The following SEMA4F variants were observed in gnomAD, a reference collection of about 807,000 sequenced individuals.
SEMA4F encodes ssemaphorin 4F.
A neutral mutation model predicts 78.4 loss-of-function variants in SEMA4F; 51 were observed. The observed-to-expected ratio is 0.65, with a 90% CI of 0.52 to 0.82. The LOEUF is 0.82. SEMA4F is among the 40% of genes least tolerant of loss of function. The pLI is 0.00. For synonymous variants in SEMA4F, 418 were observed against 408.7 expected (o/e 1.02, Z -0.27); for missense variants, 938 against 1,014.4 (o/e 0.92, Z 1.02).
the SEMA4F span, among the ~76,000 whole-genome samples, chr2:74,708,815 A>G: frequency 6.6e-6 from 1 of 152,242 alleles, no homozygotes; most frequent in African/African-American, 2.4e-5. Flanking sequence ...AGTTATAAAC[A>G]TGCTTAAAAC....
downstream of SEMA4F, among the ~76,000 whole-genome samples, chr2:74,685,605 G>GA (rs763316446): frequency 3.9e-5 from 6 of 152,088 alleles, no homozygotes; most frequent in Non-Finnish European, 7.4e-5. Context: ...TGTGTCCTAG[G>GA]AAATGGGATA....
chr2:74,658,420 A>G lies in SEMA4F; in HGVS notation c.456+469A>G, dbSNP rs950428653. Among the ~76,000 whole-genome samples, 3 of 152,066 alleles carry G rather than the reference A, an allele frequency of 2.0e-5. No individual in the cohort carries two copies. Among genetic ancestry groups the G allele is most frequent in the African/African-American group, 7.2e-5 (3 of 41,398 alleles). On this transcript the variant is annotated intron_variant, in intron 4 of 13. Coordinates refer to ENST00000357877, the MANE Select transcript of SEMA4F (RefSeq NM_004263.5). The surrounding 1 kb of genome is among the most constrained non-coding windows in gnomAD (Gnocchi z 4.3). ...CCACCTTCTCCTACTTCCACTGCCAACCTCATTGTATATGGGCTGTGAGTC... is the reference window on the plus strand; with the variant it reads ...CCACCTTCTCCTACTTCCACTGCCAGCCTCATTGTATATGGGCTGTGAGTC...
At position 74,673,383 on chromosome 2, in the gene SEMA4F, C is replaced by T. The variant is rs1685085204; in HGVS notation, c.551-74C>T. 5.1e-6 allele frequency: 8 copies of T among 1,584,032 alleles called. No homozygotes were observed. The East Asian group carries it at 1.8e-4, about 35-fold the overall frequency. On this transcript the variant is annotated intron_variant, in intron 5 of 13. Transcript: ENST00000357877. Reference sequence around the variant, plus strand: ...GAGAGTCGCTGCCCTGCTTTATGCCCTACTCTGCCTGTGACCTCTGTTGCT... The same window carrying T: ...GAGAGTCGCTGCCCTGCTTTATGCCTTACTCTGCCTGTGACCTCTGTTGCT...
chr2:74,686,637 A>T (rs1057268005), downstream of SEMA4F, among the ~76,000 whole-genome samples: 2 of 152,224 alleles, frequency 1.3e-5, no homozygotes, highest in Non-Finnish European at 2.9e-5. Flanking sequence ...CCAAATGTCC[A>T]TCAGTGATAG....
the SEMA4F span, among the ~76,000 whole-genome samples, chr2:74,707,928 C>G: frequency 2.2e-4 from 34 of 152,218 alleles, no homozygotes; most frequent in Middle Eastern, 3.4e-3. Context: ...AAGTACCAAT[C>G]AGCACATGTG....
intron 5 of SEMA4F, 23 bp from the exon 6 acceptor site, chr2:74,673,434 A>G (rs1325836459): frequency 1.2e-6 from 2 of 1,613,056 alleles, no homozygotes; most frequent in African/African-American, 1.3e-5. Context: ...CTGATAGCCC[A>G]TCTCCTCCCT....
At chr2:74,687,439 G>T (rs1487428980), downstream of SEMA4F, among the ~76,000 whole-genome samples, 2 of 152,144 alleles carry the variant, frequency 1.3e-5, no homozygotes, top group African/African-American at 4.8e-5. Context: ...TTTCCTTCTT[G>T]TTAGATTGCA....
Position 74,654,465 on chromosome 2 carries a change from G to A in SEMA4F, c.89G>A (p.Gly30Asp). The part of the protein sequence containing the change: ...FPLLLLAVLS[G>D]PVSGRVPRSV... ...CTACTGCTGCTGGCGGTGCTGAGCG[G>A]CCCGGTATCCGGCCGCGTCCCCCGC... The change falls in exon 1 of 14, where the codon GGC becomes GAC. Residue 30 changes from glycine to aspartate, a missense_variant. Gly to Asp is a moderately conservative substitution (Grantham distance 94). Coordinates refer to ENST00000357877, the MANE Select transcript of SEMA4F (RefSeq NM_004263.5). 2 of 1,574,262 alleles carry A rather than the reference G, an allele frequency of 1.3e-6. No individual in the cohort carries two copies. Among genetic ancestry groups the A allele is most frequent in the Non-Finnish European group, 1.7e-6 (2 of 1,165,034 alleles).
Position 74,680,165 on chromosome 2 carries a change from C to G in SEMA4F, c.2269C>G (p.Leu757Val). The G allele has an allele frequency of 6.3e-7, 1 of 1,597,616 alleles. No individual in the cohort carries two copies. Residue 757 changes from leucine to valine, a missense_variant, in exon 14 of 14, where the codon CTA (leucine) becomes GTA (valine). Coordinates refer to ENST00000357877, the MANE Select transcript of SEMA4F (RefSeq NM_004263.5). ...TTGCCCAAGCCCAGCCCACATTCGG[C>G]TAACTGGGGCTCCTCTAGCCACATG... ...DPCPSPAHIRLTGAPLATCDE... is the reference protein window; with the variant it reads ...DPCPSPAHIRVTGAPLATCDE...
In SEMA4F at chr2:74,678,585, G is replaced by A. The variant is rs553803605; in HGVS notation, c.1644-691G>A. Among the ~76,000 whole-genome samples the A allele has an allele frequency of 9.7e-4, 147 of 152,296 alleles. 1 individual carries two copies. Among genetic ancestry groups the A allele is most frequent in the African/African-American group, 3.4e-3 (140 of 41,566 alleles). On this transcript the variant is annotated intron_variant, in intron 12 of 13. Coordinates refer to ENST00000357877, the MANE Select transcript of SEMA4F (RefSeq NM_004263.5). ...CCTTTTCACTGACAACCCTAGTGTA[G>A]GGGTCTCATTGACTTCCCAGCCTCT...
chr2:74,674,450 C>T (rs1006957002), intron 7 of SEMA4F, 48 bp from the exon 8 acceptor site: 1 of 1,546,568 alleles, frequency 6.5e-7, no homozygotes, highest in African/African-American at 1.4e-5. Context: ...TGCTCCTTGC[C>T]CAATGATGAT....
Position 74,662,713 on chromosome 2 carries a change from G to GC in SEMA4F, c.457-14dup. 1 of 1,605,516 alleles carries GC rather than the reference G, an allele frequency of 6.2e-7. No individual in the cohort carries two copies. Among genetic ancestry groups the GC allele is most frequent in the Non-Finnish European group, 8.5e-7 (1 of 1,172,250 alleles). Reference sequence around the variant, plus strand: ...CTTCCCTATGACCCCTAAACCAATTGCCCCCTTCTGGTCTATAGGATGTGT... The same window carrying GC: ...CTTCCCTATGACCCCTAAACCAATTGCCCCCCTTCTGGTCTATAGGATGTGT... On this transcript the variant is annotated intron_variant, in intron 4 of 13. Transcript: ENST00000357877.
At chr2:74,703,399 G>A in the SEMA4F span, among the ~76,000 whole-genome samples, 1 of 152,214 alleles carries the variant, frequency 6.6e-6, no homozygotes, top group Non-Finnish European at 1.5e-5. Context: ...TGGGGAGCAG[G>A]AAGGGATGCA....
chr2:74,656,082 C>T (rs567422128), intron 1 of SEMA4F, among the ~76,000 whole-genome samples: 1 of 151,194 alleles, frequency 6.6e-6, no homozygotes, highest in African/African-American at 2.4e-5. Flanking sequence ...GATCTTGGCT[C>T]ACTGCAACCT....
At chr2:74,671,174 C>T (rs567742718) in intron 5 of SEMA4F, among the ~76,000 whole-genome samples, 1 of 152,236 alleles carries the variant, frequency 6.6e-6, no homozygotes, top group South Asian at 2.1e-4. Flanking sequence ...CTTCCTGGCT[C>T]CCAAACACTT....
At chr2:74,689,194 C>T in the SEMA4F span, among the ~76,000 whole-genome samples, 1 of 152,226 alleles carries the variant, frequency 6.6e-6, no homozygotes, top group Non-Finnish European at 1.5e-5. Flanking sequence ...TCCCCTGAAG[C>T]TACTGAGACA....
At chr2:74,707,536 T>C in the SEMA4F span, among the ~76,000 whole-genome samples, 1 of 152,104 alleles carries the variant, frequency 6.6e-6, no homozygotes, top group Non-Finnish European at 1.5e-5. Context: ...TGAAGACTTC[T>C]GCTTCTGGCC....
the SEMA4F span, among the ~76,000 whole-genome samples, chr2:74,699,403 A>G: frequency 6.6e-6 from 1 of 152,196 alleles, no homozygotes; most frequent in Non-Finnish European, 1.5e-5. Context: ...GTTTTCAGCC[A>G]TTCTCCACAT....
intron 5 of SEMA4F, among the ~76,000 whole-genome samples, chr2:74,663,375 A>C (rs1329606101): frequency 6.6e-6 from 1 of 152,246 alleles, no homozygotes; most frequent in Non-Finnish European, 1.5e-5. Flanking sequence ...GTACCGTATT[A>C]GTGTAATTCT....
Sources: allele counts gnomAD v4.1 joint callset (sites outside exome capture counted in the v4.1 genomes callset), GRCh38; gene constraint gnomAD v4.1.1; non-coding constraint Gnocchi (gnomAD v3.1); transcripts MANE v1.5; gene names NCBI Gene and HGNC (gene_info 2026-07-23, HGNC 2026-07-21).